KIF2A: variants seen among roughly 807,000 people sequenced by gnomAD.
The protein encoded by KIF2A is kinesin family member 2A, also known as kinesin-like protein KIF2A.
In KIF2A, 22 loss-of-function variants were observed where a neutral mutation model predicts 100.2. The ratio of observed to expected loss-of-function variants is 0.22; its 90% CI spans 0.16 to 0.31. The LOEUF (loss-of-function observed/expected upper bound fraction) is 0.31. Among genes scored for constraint, KIF2A ranks in the 10% least tolerant of loss-of-function variants. KIF2A has a pLI of 1.00. For missense variants in KIF2A, 495 were observed against 898.7 expected (o/e 0.55, Z 5.74); for synonymous variants, 268 against 285.9 (o/e 0.94, Z 0.63).
chr5:62,350,231 A>T (rs1411236616), intron 4 of KIF2A, 111 bp downstream of exon 4: 1 of 653,344 alleles, frequency 1.5e-6, no homozygotes, highest in Non-Finnish European at 2.6e-6. Flanking sequence ...TTTAAATTTT[A>T]CCTGGCTAAT....
At chr5:62,333,333 G>C (rs1255364337) in intron 1 of KIF2A, among the ~76,000 whole-genome samples, 2 of 152,180 alleles carry the variant, frequency 1.3e-5, no homozygotes, top group Non-Finnish European at 2.9e-5. Context: ...AAAACTGTTT[G>C]TGAGGCTGAG....
rs1270322148 is a variant in KIF2A, at chr5:62,385,491, G to A, written c.2157G>A (p.Val719=). The change falls in exon 21 of 21, where the codon GTG becomes GTA. Residue 719 remains valine (V), a synonymous_variant. Coordinates refer to ENST00000407818, the MANE Select transcript of KIF2A (RefSeq NM_001098511.3). ...TTCTTTTCTTTTTCCAAGATAAAGT[G>A]AAATCTTTCCGTGCAGCTCTACAAG... ...IDILTELRDK[V]KSFRAALQEE... 5 of 1,578,990 alleles carry A rather than the reference G, an allele frequency of 3.2e-6. No individual in the cohort carries two copies. The highest frequency in any genetic ancestry group is 4.6e-5 in the East Asian group (2 of 43,044).
chr5:62,339,155 A>G (rs1484866404), intron 1 of KIF2A, among the ~76,000 whole-genome samples: 1 of 152,204 alleles, frequency 6.6e-6, no homozygotes, highest in Non-Finnish European at 1.5e-5. Context: ...TGATGCTGGC[A>G]TCTGCTCAGC....
intron 18 of KIF2A, 69 bp downstream of exon 18, chr5:62,373,906 A>G (rs755984586): frequency 1.6e-6 from 2 of 1,254,590 alleles, no homozygotes; most frequent in Non-Finnish European, 2.3e-6. Flanking sequence ...TTAACTGAAA[A>G]CTATCATTTA....
chr5:62,327,579 C>G (rs78009647), intron 1 of KIF2A, among the ~76,000 whole-genome samples: 1 of 152,224 alleles, frequency 6.6e-6, no homozygotes, highest in Admixed American at 6.5e-5. Flanking sequence ...AAACTTCATA[C>G]GTACAAAACC....
rs763787903 is a variant in KIF2A, at chr5:62,357,680, T to C, written c.655-11T>C. 1.4e-6 allele frequency: 2 copies of C among 1,455,680 alleles called. No individual in the cohort carries two copies. Among genetic ancestry groups the C allele is most frequent in the Middle Eastern group, 1.7e-4 (1 of 5,734 alleles). 90.2% of individuals were successfully genotyped at this position (1,455,680 alleles called of 1,614,324 possible). On this transcript the variant is annotated splice_polypyrimidine_tract_variant and intron_variant, in intron 7 of 20. Transcript: ENST00000407818. ...TAATAATCACTGAAATAAAATACTT[T>C]TTATTTCTAGATTGATGAACATAGG...
At position 62,306,300 on chromosome 5, in the gene KIF2A, C is replaced by T. The variant is rs1407093717; in HGVS notation, c.-173C>T. The T allele has an allele frequency of 3.1e-5, 18 of 578,066 alleles. No homozygotes were observed. Among genetic ancestry groups the T allele is most frequent in the Non-Finnish European group, 5.5e-5 (18 of 327,614 alleles). 35.8% of individuals were successfully genotyped at this position (578,066 alleles called of 1,614,324 possible). On this transcript the variant is annotated 5_prime_UTR_variant, in exon 1 of 21. Coordinates refer to ENST00000407818, the MANE Select transcript of KIF2A (RefSeq NM_001098511.3). The stretch of plus-strand genomic sequence containing the variant: ...TGCCGGCCTGCAGGCCCGGGGCCTC[C>T]GCCTGCTTCCCCACAGCTGCTCCTT...
intron 6 of KIF2A, among the ~76,000 whole-genome samples, chr5:62,353,635 A>G (rs992345868): frequency 1.3e-5 from 2 of 152,190 alleles, no homozygotes; most frequent in African/African-American, 2.4e-5. Context: ...CCATTGTGTT[A>G]CAGAATTCTA....
At chr5:62,308,438 C>T in intron 1 of KIF2A, 1 of 1,039,098 alleles carries the variant, frequency 9.6e-7, no homozygotes, top group Non-Finnish European at 1.4e-6. Flanking sequence ...GTGAAGATAT[C>T]TGCACTCTCG....
chr5:62,385,498 T>C lies in KIF2A; in HGVS notation c.2164T>C (p.Phe722Leu). 1 of 1,585,244 alleles carries C rather than the reference T, an allele frequency of 6.3e-7. No individual in the cohort carries two copies. ...CTTTTTCCAAGATAAAGTGAAATCT[T>C]TCCGTGCAGCTCTACAAGAGGAGGA... ...LTELRDKVKS[F>L]RAALQEEEQA... The change falls in exon 21 of 21, where the codon TTC (phenylalanine) becomes CTC (leucine). Residue 722 changes from phenylalanine (F) to leucine (L), a missense_variant. Physicochemically the swap from Phe to Leu is conservative, Grantham distance 22. Transcript: ENST00000407818.
chr5:62,356,376 C>G (rs1012128160), intron 7 of KIF2A, among the ~76,000 whole-genome samples: 2 of 152,182 alleles, frequency 1.3e-5, no homozygotes, highest in African/African-American at 2.4e-5. Flanking sequence ...TTTGTCACAA[C>G]TACTGAACTC....
intron 1 of KIF2A, among the ~76,000 whole-genome samples, chr5:62,318,137 CA>C (rs1745913843): frequency 6.6e-6 from 1 of 151,854 alleles, no homozygotes; most frequent in Admixed American, 6.6e-5. Context: ...GGCTGGAGTG[CA>C]GTGGCGCAAT....
At chr5:62,355,382 C>A in intron 7 of KIF2A, 128 bp downstream of exon 7, 1 of 568,734 alleles carries the variant, frequency 1.8e-6, no homozygotes, top group East Asian at 2.9e-5. Flanking sequence ...GCTCATTCCC[C>A]ATATTTTAAG....
intron 9 of KIF2A, among the ~76,000 whole-genome samples, chr5:62,358,885 A>G (rs572745818): frequency 6.6e-6 from 1 of 152,328 alleles, no homozygotes; most frequent in South Asian, 2.1e-4. Context: ...TGCCCAGGCT[A>G]ACCTCAGACT....
chr5:62,324,002 C>G (rs762539652), intron 1 of KIF2A, among the ~76,000 whole-genome samples: 44 of 151,710 alleles, frequency 2.9e-4, no homozygotes, highest in Admixed American at 5.3e-4. Context: ...CAACTGCGCT[C>G]CAGCCTGGGT....
chr5:62,307,881 G>A (rs938619674), intron 1 of KIF2A, among the ~76,000 whole-genome samples: 1 of 152,106 alleles, frequency 6.6e-6, no homozygotes, highest in Non-Finnish European at 1.5e-5. Context: ...GCCTCCCAAT[G>A]TGCTGGGATT....
chr5:62,356,532 T>C (rs1188537784), intron 7 of KIF2A, among the ~76,000 whole-genome samples: 1 of 152,208 alleles, frequency 6.6e-6, no homozygotes, highest in Non-Finnish European at 1.5e-5. Flanking sequence ...ATCCTTGCTT[T>C]ATGTTAATTA....
At chr5:62,314,257 A>G (rs1745696511) in intron 1 of KIF2A, among the ~76,000 whole-genome samples, 1 of 152,104 alleles carries the variant, frequency 6.6e-6, no homozygotes, top group Non-Finnish European at 1.5e-5. Flanking sequence ...GCTTGAAGCC[A>G]GGAGTTGGAT....
At position 62,306,496 on chromosome 5, in the gene KIF2A, G is replaced by A; in HGVS notation, c.24G>A (p.Lys8=). MATANFG[K]IQIGIYVEIK... ...TGATGGCAACGGCCAACTTCGGCAA[G>A]ATCCAGATCGGGATTTACGTGGAGA... Residue 8 remains lysine, a synonymous_variant, in exon 1 of 21, where the codon AAG becomes AAA. Transcript: ENST00000407818. 1.3e-6 allele frequency: 2 copies of A among 1,545,690 alleles called. No homozygotes were observed. The highest frequency in any genetic ancestry group is 2.5e-5 in the East Asian group (1 of 40,462).
Sources: gnomAD v4.1 joint callset for allele counts (sites outside exome capture counted in the v4.1 genomes callset) on GRCh38, gnomAD v4.1.1 for gene constraint, MANE v1.5 for transcripts, NCBI Gene and HGNC (gene_info 2026-07-23, HGNC 2026-07-21) for gene names.